Variants in PITPNC1 observed in about 807,000 individuals in gnomAD.
PITPNC1 encodes cytoplasmic phosphatidylinositol transfer protein 1.
Under a neutral mutation model 44.7 loss-of-function variants are expected in PITPNC1, and 18 were observed. That is an observed-to-expected ratio of 0.40 (90% CI 0.28 to 0.60). The LOEUF (loss-of-function observed/expected upper bound fraction) is 0.60, where lower values mean the gene tolerates loss of function less well. Among genes scored for constraint, PITPNC1 ranks in the 20% least tolerant of loss-of-function variants. The probability of loss-of-function intolerance (pLI) is 0.39; values close to 1 mark genes in which losing one functional copy is unlikely to be tolerated. For synonymous variants in PITPNC1, 141 were observed against 149.6 expected, an observed-to-expected ratio of 0.94 and a Z score of 0.42; for missense variants, 290 against 418.4, an observed-to-expected ratio of 0.69 and a Z score of 2.68.
At chr17:67,419,081 G>A (rs1478763814) in intron 1 of PITPNC1, among the ~76,000 whole-genome samples, 1 of 152,064 alleles carries the variant, frequency 6.6e-6, no homozygotes, top group East Asian at 1.9e-4. Context: ...ACAGCAACCT[G>A]TTGGTCCAGA....
intron 1 of PITPNC1, among the ~76,000 whole-genome samples, chr17:67,391,060 CGTGTGTGTGTGT>C (rs80236076): frequency 1.4e-5 from 2 of 146,798 alleles, no homozygotes; most frequent in South Asian, 2.2e-4. Context: ...ACTTTTTTAG[CGTGTGTGTGTGT>C]GTGTGTGTGT....
At chr17:67,462,229 T>C (rs1185316025) in intron 1 of PITPNC1, among the ~76,000 whole-genome samples, 40 of 136,236 alleles carry the variant, frequency 2.9e-4, no homozygotes, top group East Asian at 1.7e-3. Flanking sequence ...TTCTTTCTTT[T>C]TTTTTTTTTT....
intron 1 of PITPNC1, among the ~76,000 whole-genome samples, chr17:67,490,305 A>G (rs1013065232): frequency 2.6e-5 from 4 of 151,984 alleles, no homozygotes; most frequent in Admixed American, 6.6e-5. Context: ...GGGATAATGA[A>G]TTATTTAACT....
chr17:67,430,536 C>T (rs2143893805), intron 1 of PITPNC1, among the ~76,000 whole-genome samples: 1 of 152,042 alleles, frequency 6.6e-6, no homozygotes, highest in African/African-American at 2.4e-5. Context: ...TGTGGTGGCT[C>T]ATGCCTATAA....
intron 1 of PITPNC1, among the ~76,000 whole-genome samples, chr17:67,481,796 G>T (rs2039707046): frequency 6.7e-6 from 1 of 149,664 alleles, no homozygotes; most frequent in Admixed American, 6.6e-5. Context: ...AAAAAGGAAA[G>T]GTATAAAATG....
chr17:67,593,599 G>A lies in PITPNC1; in HGVS notation c.366+15342G>A, dbSNP rs186225612. ...TTTTTAGTAGAGACGAGGTTTCACC[G>A]TGTTGGCCAGGCTGGTCTCAAACTC... On this transcript the variant is annotated intron_variant, in intron 5 of 8. Transcript: ENST00000581322. 8.3e-3 allele frequency among the ~76,000 whole-genome samples: 1,257 copies of A among 152,160 alleles called. 12 individuals are homozygous for A. Among genetic ancestry groups the A allele is most frequent in the Non-Finnish European group, 0.012 (825 of 68,010 alleles).
chr17:67,397,273 G>A (rs553416609), intron 1 of PITPNC1, among the ~76,000 whole-genome samples: 1 of 152,182 alleles, frequency 6.6e-6, no homozygotes, highest in Admixed American at 6.5e-5. Context: ...CAGCCACCAC[G>A]CCTGGCCGTG....
intron 6 of PITPNC1, among the ~76,000 whole-genome samples, chr17:67,664,267 A>G (rs1227655583): frequency 6.6e-6 from 1 of 152,000 alleles, no homozygotes; most frequent in Admixed American, 6.6e-5. Context: ...ACCTGGCCTC[A>G]TTTCTTCCTA....
At chr17:67,433,505 G>A (rs1325687843) in intron 1 of PITPNC1, among the ~76,000 whole-genome samples, 3 of 152,146 alleles carry the variant, frequency 2.0e-5, no homozygotes, top group Non-Finnish European at 4.4e-5. Context: ...TTAGGAGGCC[G>A]AGGAGGGCGG....
intron 1 of PITPNC1, among the ~76,000 whole-genome samples, chr17:67,436,565 T>G (rs2038939414): frequency 6.6e-6 from 1 of 152,018 alleles, no homozygotes; most frequent in Non-Finnish European, 1.5e-5. Context: ...TGGAAAGCGT[T>G]CGGGGCCTGG....
chr17:67,599,032 ATATTT>A (rs1337670776), intron 5 of PITPNC1, among the ~76,000 whole-genome samples: 18 of 29,262 alleles, frequency 6.2e-4, no homozygotes, highest in East Asian at 3.3e-3. Flanking sequence ...ATATATATAT[ATATTT>A]TTTTTTTTTT....
At chr17:67,396,446 A>T (rs1199746649) in intron 1 of PITPNC1, among the ~76,000 whole-genome samples, 1 of 150,476 alleles carries the variant, frequency 6.6e-6, no homozygotes, top group Non-Finnish European at 1.5e-5. Context: ...ATCTCAGCTC[A>T]CTGCAACCTC....
chr17:67,429,843 G>C (rs972421025), intron 1 of PITPNC1, among the ~76,000 whole-genome samples: 1 of 152,076 alleles, frequency 6.6e-6, no homozygotes, highest in African/African-American at 2.4e-5. Flanking sequence ...GAATATTTTA[G>C]CATTAAATAT....
At chr17:67,650,575 A>T (rs1485309347) in intron 6 of PITPNC1, among the ~76,000 whole-genome samples, 2 of 149,046 alleles carry the variant, frequency 1.3e-5, no homozygotes, top group Non-Finnish European at 2.9e-5. Flanking sequence ...CAGCCTCCTG[A>T]GTAGCTGGGA....
intron 2 of PITPNC1, among the ~76,000 whole-genome samples, chr17:67,551,612 C>G (rs1291402796): frequency 6.6e-6 from 1 of 152,188 alleles, no homozygotes; most frequent in Non-Finnish European, 1.5e-5. Flanking sequence ...AGGGCTTACC[C>G]TAAATCCAGG....
rs1567757549 is a variant in PITPNC1 at position 67,647,468 on chromosome 17, T to TTTTTTTG, written c.462+15236_462+15237insGTTTTTT. ...ATCACACCCAGCTAATTTTGGGTTTTTTTTTTTTTTTTTTTTTTTTTTTTT... is the reference window on the plus strand; with the variant it reads ...ATCACACCCAGCTAATTTTGGGTTTTTTTTTTGTTTTTTTTTTTTTTTTTTTTTTTTT... On this transcript the variant is annotated intron_variant, in intron 6 of 8. Transcript: ENST00000581322. Among the ~76,000 whole-genome samples, 18 of 74,966 alleles carry TTTTTTTG rather than the reference T, an allele frequency of 2.4e-4. 1 individual carries two copies. Among genetic ancestry groups the TTTTTTTG allele is most frequent in the African/African-American group, 1.6e-3 (17 of 10,952 alleles). The allele number at this position is 74,966 out of a possible 152,430, so 49.2% of individuals were successfully genotyped here. A position where few individuals can be genotyped will look rare whatever the true frequency, so the allele number is the denominator to read the frequency against.
chr17:67,583,911 GTTTGTGTT>G (rs2041274276), intron 5 of PITPNC1, among the ~76,000 whole-genome samples: 1 of 136,016 alleles, frequency 7.4e-6, no homozygotes, highest in African/African-American at 2.7e-5. Context: ...GTGTGTGTGT[GTTTGTGTT>G]TAGTAGAGAT....
chr17:67,483,618 G>A (rs2039732947), intron 1 of PITPNC1, among the ~76,000 whole-genome samples: 1 of 152,124 alleles, frequency 6.6e-6, no homozygotes, highest in African/African-American at 2.4e-5. Context: ...ATGGCCTATA[G>A]GTTTATTGAT....
chr17:67,580,450 A>G (rs1241706792), intron 5 of PITPNC1, among the ~76,000 whole-genome samples: 4 of 152,046 alleles, frequency 2.6e-5, no homozygotes, highest in Admixed American at 6.6e-5. Context: ...GGCTCAAGCA[A>G]TCCTCCCACC....
Sources: gnomAD v4.1 joint callset for allele counts (sites outside exome capture counted in the v4.1 genomes callset) on GRCh38, gnomAD v4.1.1 for gene constraint, MANE v1.5 for transcripts, NCBI Gene and HGNC (gene_info 2026-07-23, HGNC 2026-07-21) for gene names.